Variants in KHDRBS2 observed in about 807,000 individuals in gnomAD.
The protein encoded by KHDRBS2 is KH RNA binding domain containing, signal transduction associated 2.
Under a neutral mutation model 44.3 loss-of-function variants are expected in KHDRBS2, and 26 were observed. That is an observed-to-expected ratio of 0.59 (90% CI 0.43 to 0.81). The LOEUF (loss-of-function observed/expected upper bound fraction) is 0.81, where lower values mean the gene tolerates loss of function less well. KHDRBS2 is among the 40% of genes least tolerant of loss of function. KHDRBS2 has a pLI of 0.00. For missense variants in KHDRBS2, 476 were observed against 433.1 expected (o/e 1.10, Z -0.88); for synonymous variants, 194 against 151.1 (o/e 1.28, Z -2.08).
chr6:61,881,155 C>G (rs185325260), intron 6 of KHDRBS2, among the ~76,000 whole-genome samples: 4 of 151,986 alleles, frequency 2.6e-5, no homozygotes, highest in African/African-American at 9.6e-5. Flanking sequence ...TTAGAAAATC[C>G]TGAACCTCAG....
chr6:61,551,927 G>T, the KHDRBS2 span, among the ~76,000 whole-genome samples: 1 of 152,050 alleles, frequency 6.6e-6, no homozygotes, highest in Admixed American at 6.6e-5. Context: ...CCATGTGAAT[G>T]GGATTGCATT....
At chr6:62,102,082 A>AT (rs1306488660) in intron 2 of KHDRBS2, among the ~76,000 whole-genome samples, 7 of 152,076 alleles carry the variant, frequency 4.6e-5, no homozygotes, top group Non-Finnish European at 1.0e-4. Context: ...TAACTAAATC[A>AT]TTTTTTCTAT....
intron 3 of KHDRBS2, among the ~76,000 whole-genome samples, chr6:62,010,440 G>A (rs538699635): frequency 1.6e-4 from 24 of 152,150 alleles, no homozygotes; most frequent in Non-Finnish European, 3.2e-4. Flanking sequence ...AAAGAGTTGA[G>A]ACTTTGGGGG....
At chr6:62,035,281 C>A (rs1206435657) in intron 3 of KHDRBS2, among the ~76,000 whole-genome samples, 2 of 151,924 alleles carry the variant, frequency 1.3e-5, no homozygotes, top group Middle Eastern at 3.2e-3. Context: ...AAATGTGGTA[C>A]TTATACACAA....
intron 2 of KHDRBS2, among the ~76,000 whole-genome samples, chr6:62,100,380 T>A (rs1351828881): frequency 6.6e-6 from 1 of 152,206 alleles, no homozygotes; most frequent in Non-Finnish European, 1.5e-5. Context: ...ATTCATAATA[T>A]TACATAAATT....
chr6:61,713,668 C>G (rs762485566), intron 7 of KHDRBS2, among the ~76,000 whole-genome samples: 13 of 149,266 alleles, frequency 8.7e-5, no homozygotes, highest in Non-Finnish European at 1.5e-4. Flanking sequence ...AGTAAGCAAA[C>G]AGCATGGGAC....
chr6:61,731,635 A>G (rs1202881263), intron 7 of KHDRBS2, among the ~76,000 whole-genome samples: 1 of 152,090 alleles, frequency 6.6e-6, no homozygotes. Flanking sequence ...GTCCTAAAGG[A>G]GGTTTATTGC....
chr6:62,029,635 A>G (rs1370203547), intron 3 of KHDRBS2, among the ~76,000 whole-genome samples: 1 of 151,994 alleles, frequency 6.6e-6, no homozygotes, highest in East Asian at 1.9e-4. Context: ...TGAGTGATTC[A>G]TCTGCATTCA....
chr6:61,628,210 CTTTTTTTTTT>C, the KHDRBS2 span, among the ~76,000 whole-genome samples: 4 of 82,324 alleles, frequency 4.9e-5, no homozygotes, highest in Non-Finnish European at 8.3e-5. Flanking sequence ...CATGTGTAGC[CTTTTTTTTTT>C]TTTTTTTTTT....
At chr6:61,976,016 T>C (rs928128512) in intron 4 of KHDRBS2, among the ~76,000 whole-genome samples, 8 of 152,114 alleles carry the variant, frequency 5.3e-5, no homozygotes, top group Admixed American at 2.6e-4. Context: ...TGAAGTGCAA[T>C]GAATAAGAAG....
At chr6:61,552,191 G>A in the KHDRBS2 span, among the ~76,000 whole-genome samples, 1 of 151,946 alleles carries the variant, frequency 6.6e-6, no homozygotes, top group Non-Finnish European at 1.5e-5. Context: ...TGATTTCTTT[G>A]AGTAGTGTTT....
At chr6:62,229,759 C>G (rs1585310814) in intron 1 of KHDRBS2, among the ~76,000 whole-genome samples, 1 of 152,274 alleles carries the variant, frequency 6.6e-6, no homozygotes, top group Non-Finnish European at 1.5e-5. Context: ...TCCCCTGCCC[C>G]TTGTGGCTCT....
At chr6:62,240,870 C>T (rs181904025) in intron 1 of KHDRBS2, among the ~76,000 whole-genome samples, 6 of 151,252 alleles carry the variant, frequency 4.0e-5, no homozygotes, top group Admixed American at 1.3e-4. Flanking sequence ...CATATAGGGT[C>T]GTCTCACAAC....
At chr6:62,132,521 C>A (rs916930025) in intron 2 of KHDRBS2, among the ~76,000 whole-genome samples, 2 of 152,180 alleles carry the variant, frequency 1.3e-5, no homozygotes, top group African/African-American at 2.4e-5. Context: ...GTTTGAAAAT[C>A]ATTCCTTTAA....
intron 1 of KHDRBS2, among the ~76,000 whole-genome samples, chr6:62,257,436 AAC>A (rs1837579537): frequency 6.6e-6 from 1 of 152,122 alleles, no homozygotes; most frequent in Non-Finnish European, 1.5e-5. Flanking sequence ...TGAAATAAAT[AAC>A]AGAGCAGATT....
rs1199932939 is a variant in KHDRBS2 at position 62,190,775 on chromosome 6, A to G, written c.92-13463T>C. Among the ~76,000 whole-genome samples the G allele has an allele frequency of 2.6e-5, 4 of 152,204 alleles. No individual in the cohort carries two copies. In the East Asian group the frequency reaches 7.8e-4, roughly 29 times the overall value. ...TACCACAATCTTCCTAAGTCACCCAAGAACAACAAAACCAGAAATCTCAGC... is the reference window on the plus strand; with the variant it reads ...TACCACAATCTTCCTAAGTCACCCAGGAACAACAAAACCAGAAATCTCAGC... On this transcript the variant is annotated intron_variant, in intron 1 of 8. Coordinates refer to ENST00000281156, the MANE Select transcript of KHDRBS2 (RefSeq NM_152688.4).
intron 2 of KHDRBS2, among the ~76,000 whole-genome samples, chr6:62,088,684 G>T (rs1489178125): frequency 6.6e-6 from 1 of 152,142 alleles, no homozygotes; most frequent in Non-Finnish European, 1.5e-5. Context: ...GGGGGACAGG[G>T]ACCCACTTGG....
chr6:61,867,003 C>T (rs1017764426), intron 6 of KHDRBS2, among the ~76,000 whole-genome samples: 1 of 152,172 alleles, frequency 6.6e-6, no homozygotes, highest in Non-Finnish European at 1.5e-5. Flanking sequence ...TTCTTCTGAG[C>T]CCTCCAAACT....
chr6:61,593,940 G>T, the KHDRBS2 span, among the ~76,000 whole-genome samples: 1 of 151,980 alleles, frequency 6.6e-6, no homozygotes, highest in African/African-American at 2.4e-5. Context: ...AAGCAGCCTG[G>T]TCACATTTGA....
Sources: gnomAD v4.1 joint callset for allele counts (sites outside exome capture counted in the v4.1 genomes callset) on GRCh38, gnomAD v4.1.1 for gene constraint, MANE v1.5 for transcripts, NCBI Gene and HGNC (gene_info 2026-07-23, HGNC 2026-07-21) for gene names.